DGLUCY: variants seen among roughly 807,000 people sequenced by gnomAD.
DGLUCY encodes the protein D-glutamate cyclase, mitochondrial.
Under a neutral mutation model 58.5 loss-of-function variants are expected in DGLUCY, and 58 were observed. That is an observed-to-expected ratio of 0.99 (90% CI 0.80 to 1.23). The LOEUF (loss-of-function observed/expected upper bound fraction) is 1.23, where lower values mean the gene tolerates loss of function less well. Among genes scored for constraint, DGLUCY ranks in the 50% most tolerant of loss-of-function variants. The probability of loss-of-function intolerance (pLI) is 0.00; values close to 1 mark genes in which losing one functional copy is unlikely to be tolerated. For missense variants in DGLUCY, 779 were observed against 784.7 expected (o/e 0.99, Z 0.09); for synonymous variants, 325 against 314.1 (o/e 1.03, Z -0.37).
At chr14:91,103,780 AAC>A (rs1039821458), upstream of DGLUCY, among the ~76,000 whole-genome samples, 3 of 151,684 alleles carry the variant, frequency 2.0e-5, no homozygotes, top group African/African-American at 7.3e-5. Flanking sequence ...CATATATATA[AAC>A]ACACACGCAC....
At chr14:91,181,903 C>T (rs2140458837) in intron 8 of DGLUCY, among the ~76,000 whole-genome samples, 1 of 151,472 alleles carries the variant, frequency 6.6e-6, no homozygotes, top group South Asian at 2.1e-4. Context: ...CCTTGGCCTC[C>T]CAAAGTGCTG....
At chr14:91,085,564 T>TG (rs2044201699) in intron 1 of DGLUCY, among the ~76,000 whole-genome samples, 1 of 124,006 alleles carries the variant, frequency 8.1e-6, no homozygotes, top group Non-Finnish European at 1.6e-5. Context: ...TTTTTTTTTG[T>TG]TTTTTTTTTT....
chr14:91,102,450 G>T (rs1317641087), intron 1 of DGLUCY, among the ~76,000 whole-genome samples: 1 of 152,012 alleles, frequency 6.6e-6, no homozygotes, highest in African/African-American at 2.4e-5. Context: ...TTTCCACCTG[G>T]TCTCATTGCT....
chr14:91,127,505 G>T (rs1177871600), intron 1 of DGLUCY, among the ~76,000 whole-genome samples: 1 of 152,250 alleles, frequency 6.6e-6, no homozygotes, highest in Non-Finnish European at 1.5e-5. Context: ...CAGCCTTCTG[G>T]CCTCTGCCCC....
chr14:91,154,666 G>A (rs2047511872), intron 1 of DGLUCY, among the ~76,000 whole-genome samples: 1 of 152,126 alleles, frequency 6.6e-6, no homozygotes, highest in Admixed American at 6.6e-5. Flanking sequence ...TCACACCTGC[G>A]AGAGAGACTT....
At chr14:91,066,702 A>G (rs1027898999) in intron 1 of DGLUCY, among the ~76,000 whole-genome samples, 4 of 152,192 alleles carry the variant, frequency 2.6e-5, no homozygotes, top group African/African-American at 9.7e-5. Context: ...AAATAAATAC[A>G]ATGAAAACAA....
chr14:91,132,640 G>A (rs141738421), intron 1 of DGLUCY, among the ~76,000 whole-genome samples: 23 of 151,740 alleles, frequency 1.5e-4, no homozygotes, highest in African/African-American at 5.6e-4. Context: ...CACTGCGCCC[G>A]GCTAATTTTT....
At chr14:91,085,929 C>G (rs1192751432) in intron 1 of DGLUCY, among the ~76,000 whole-genome samples, 1 of 152,124 alleles carries the variant, frequency 6.6e-6, no homozygotes, top group African/African-American at 2.4e-5. Context: ...GTACTGGTAC[C>G]AGTTTGTGGC....
chr14:91,205,289 G>A (rs530975467), intron 12 of DGLUCY, among the ~76,000 whole-genome samples: 1 of 152,310 alleles, frequency 6.6e-6, no homozygotes, highest in East Asian at 1.9e-4. Context: ...TTTGGAGGAT[G>A]CGAGAAGCTT....
Position 91,159,775 on chromosome 14 carries a change from G to A in DGLUCY, c.-29-491G>A, listed in dbSNP as rs545618124. Among the ~76,000 whole-genome samples the A allele has an allele frequency of 3.4e-4, 52 of 152,256 alleles. No homozygotes were observed. In the South Asian group the frequency reaches 1.0e-2, roughly 29 times the overall value. On this transcript the variant is annotated intron_variant, in intron 2 of 13. Transcript: ENST00000256324. ...CTCTTATTTCACTTGCGATTGCGGTGGTATTCATTCGTCTGTTCATTCAAC... is the reference window on the plus strand; with the variant it reads ...CTCTTATTTCACTTGCGATTGCGGTAGTATTCATTCGTCTGTTCATTCAAC...
At chr14:91,088,340 C>T (rs953478291) in intron 1 of DGLUCY, among the ~76,000 whole-genome samples, 18 of 152,074 alleles carry the variant, frequency 1.2e-4, no homozygotes, top group African/African-American at 3.6e-4. Context: ...GAATGTGATT[C>T]GGAGCTTCCA....
At chr14:91,077,960 A>G (rs1378468786) in intron 1 of DGLUCY, among the ~76,000 whole-genome samples, 1 of 152,214 alleles carries the variant, frequency 6.6e-6, no homozygotes, top group East Asian at 1.9e-4. Flanking sequence ...CCCCACAAAC[A>G]GACTCTGCTT....
intron 1 of DGLUCY, among the ~76,000 whole-genome samples, chr14:91,155,814 G>A (rs1800956617): frequency 1.4e-5 from 2 of 147,116 alleles, no homozygotes; most frequent in African/African-American, 2.5e-5. Flanking sequence ...AAAAAAAAAA[G>A]GACAGAAAAG....
intron 1 of DGLUCY, among the ~76,000 whole-genome samples, chr14:91,150,332 C>A (rs1346254923): frequency 6.6e-6 from 1 of 151,830 alleles, no homozygotes; most frequent in Non-Finnish European, 1.5e-5. Flanking sequence ...GGCCCCGGGG[C>A]TAGAATATTT....
At chr14:91,095,087 G>A (rs1227609178) in intron 1 of DGLUCY, among the ~76,000 whole-genome samples, 1 of 152,108 alleles carries the variant, frequency 6.6e-6, no homozygotes, top group African/African-American at 2.4e-5. Flanking sequence ...CAGCACCCAT[G>A]AGAAATTCCC....
chr14:91,072,149 C>A (rs550116566), intron 1 of DGLUCY, among the ~76,000 whole-genome samples: 1 of 152,028 alleles, frequency 6.6e-6, no homozygotes, highest in Non-Finnish European at 1.5e-5. Flanking sequence ...CTGGGGAAAC[C>A]CCTTATCTAC....
At chr14:91,141,553 ATT>A (rs71120118) in intron 1 of DGLUCY, among the ~76,000 whole-genome samples, 7 of 138,094 alleles carry the variant, frequency 5.1e-5, no homozygotes, top group Admixed American at 7.6e-5. Flanking sequence ...AGAGAGGTTA[ATT>A]TTTTTTTTTT....
chr14:91,116,527 C>G (rs972662952), intron 1 of DGLUCY, among the ~76,000 whole-genome samples: 2 of 152,088 alleles, frequency 1.3e-5, no homozygotes, highest in African/African-American at 4.8e-5. Flanking sequence ...GATCTCAATC[C>G]AGAATACTTG....
intron 8 of DGLUCY, among the ~76,000 whole-genome samples, chr14:91,188,355 A>T (rs895390179): frequency 6.6e-6 from 1 of 152,198 alleles, no homozygotes; most frequent in African/African-American, 2.4e-5. Context: ...CGGCCACACC[A>T]GACTGAAGGG....
Sources: allele counts gnomAD v4.1 joint callset (sites outside exome capture counted in the v4.1 genomes callset), GRCh38; gene constraint gnomAD v4.1.1; transcripts MANE v1.5; gene names NCBI Gene and HGNC (gene_info 2026-07-23, HGNC 2026-07-21).